The following IFT43 variants were observed in gnomAD, a reference collection of about 807,000 sequenced individuals.
IFT43 encodes intraflagellar transport protein 43 homolog.
IFT43 carries 33 observed loss-of-function variants against 32.3 expected under a neutral mutation model. The ratio of observed to expected loss-of-function variants is 1.02; its 90% CI spans 0.77 to 1.37. IFT43 has a LOEUF of 1.37. Among genes scored for constraint, IFT43 ranks in the 40% most tolerant of loss-of-function variants. The pLI is 0.00. For synonymous variants in IFT43, 93 were observed against 98.2 expected, an observed-to-expected ratio of 0.95 and a Z score of 0.31; for missense variants, 274 against 265.9, an observed-to-expected ratio of 1.03 and a Z score of -0.21.
chr14:76,066,918 T>C (rs775117989), intron 5 of IFT43, among the ~76,000 whole-genome samples: 1 of 152,166 alleles, frequency 6.6e-6, no homozygotes, highest in African/African-American at 2.4e-5. Flanking sequence ...GATTAGACTT[T>C]ATTGAGGAAA....
chr14:75,991,433 G>A (rs376294338), intron 2 of IFT43, among the ~76,000 whole-genome samples: 82 of 147,376 alleles, frequency 5.6e-4, no homozygotes, highest in Non-Finnish European at 2.7e-4. Flanking sequence ...GTGTATGTAT[G>A]TATATATATT....
At chr14:76,077,820 G>A (rs564549529) in intron 5 of IFT43, among the ~76,000 whole-genome samples, 24 of 152,172 alleles carry the variant, frequency 1.6e-4, no homozygotes, top group Non-Finnish European at 3.4e-4. Context: ...TCTCACCGCC[G>A]AGCACCTTTG....
intron 3 of IFT43, among the ~76,000 whole-genome samples, chr14:76,034,049 A>G (rs1270148463): frequency 2.6e-5 from 4 of 152,226 alleles, no homozygotes; most frequent in Non-Finnish European, 5.9e-5. Context: ...CAGTCTAGTT[A>G]CAGCAGAGAA....
intron 5 of IFT43, among the ~76,000 whole-genome samples, chr14:76,060,848 TC>T (rs1566730510): frequency 2.8e-5 from 4 of 142,054 alleles, no homozygotes; most frequent in Admixed American, 7.1e-5. Flanking sequence ...CTTCCTTCCT[TC>T]CTTCCTTCCT....
chr14:76,009,556 T>C (rs2036041140), intron 2 of IFT43, among the ~76,000 whole-genome samples: 1 of 152,222 alleles, frequency 6.6e-6, no homozygotes, highest in African/African-American at 2.4e-5. Flanking sequence ...TCATTTCAGC[T>C]TAAATGGATA....
intron 5 of IFT43, among the ~76,000 whole-genome samples, chr14:76,065,395 A>G (rs569702148): frequency 1.3e-5 from 2 of 152,348 alleles, no homozygotes; most frequent in East Asian, 3.9e-4. Flanking sequence ...TTATTAAAGT[A>G]TACAATTTAG....
chr14:76,081,664 G>T (rs1227884646), intron 5 of IFT43, among the ~76,000 whole-genome samples: 1 of 152,206 alleles, frequency 6.6e-6, no homozygotes, highest in Non-Finnish European at 1.5e-5. Flanking sequence ...TCTTGAGACA[G>T]CAAGAAAAGC....
intron 2 of IFT43, among the ~76,000 whole-genome samples, chr14:76,014,964 G>A (rs757043109): frequency 6.6e-6 from 1 of 152,106 alleles, no homozygotes; most frequent in Non-Finnish European, 1.5e-5. Flanking sequence ...ATCCAATTAC[G>A]TGGATTTCGT....
chr14:76,082,307 T>C lies in IFT43; in HGVS notation c.308T>C (p.Ile103Thr). Residue 103 changes from isoleucine to threonine, a missense_variant, in exon 6 of 9, where the codon ATT (isoleucine) becomes ACT (threonine). Coordinates refer to ENST00000314067, the MANE Select transcript of IFT43 (RefSeq NM_001102564.3). Reference protein sequence around the residue: ...GSDYGGDIPIIPDLEEVQEED... With the variant: ...GSDYGGDIPITPDLEEVQEED... ...CCTCTCCTTGCAGATATTCCTATCATTCCGGATCTGGAGGAAGTACAGGAA... is the reference window on the plus strand; with the variant it reads ...CCTCTCCTTGCAGATATTCCTATCACTCCGGATCTGGAGGAAGTACAGGAA... 1 of 1,614,078 alleles carries C rather than the reference T, an allele frequency of 6.2e-7. No individual in the cohort carries two copies. Among genetic ancestry groups the C allele is most frequent in the Non-Finnish European group, 8.5e-7 (1 of 1,179,918 alleles).
chr14:76,022,066 C>T (rs1202862293), intron 2 of IFT43, among the ~76,000 whole-genome samples: 1 of 152,154 alleles, frequency 6.6e-6, no homozygotes, highest in Non-Finnish European at 1.5e-5. Flanking sequence ...GCCTGGCCAA[C>T]ATGGTGAAAC....
At chr14:75,988,680 G>C (rs1486850736) in intron 1 of IFT43, among the ~76,000 whole-genome samples, 4 of 152,168 alleles carry the variant, frequency 2.6e-5, no homozygotes, top group African/African-American at 9.7e-5. Context: ...CACAACGCCA[G>C]GCTAATCTTT....
At chr14:76,002,370 G>A (rs975328645) in intron 2 of IFT43, among the ~76,000 whole-genome samples, 4 of 152,272 alleles carry the variant, frequency 2.6e-5, no homozygotes, top group Admixed American at 2.0e-4. Flanking sequence ...AAGGTAAGGG[G>A]GGGGGTGGCA....
chr14:76,011,043 T>C (rs1280946104), intron 2 of IFT43, among the ~76,000 whole-genome samples: 1 of 151,866 alleles, frequency 6.6e-6, no homozygotes, highest in Non-Finnish European at 1.5e-5. Context: ...GCTGGTATTA[T>C]AGCTGCACAC....
At chr14:76,027,136 G>C (rs2036412921) in intron 3 of IFT43, among the ~76,000 whole-genome samples, 1 of 152,020 alleles carries the variant, frequency 6.6e-6, no homozygotes, top group Non-Finnish European at 1.5e-5. Context: ...CTGGGTACTA[G>C]GCTTAATGTC....
intron 5 of IFT43, among the ~76,000 whole-genome samples, chr14:76,066,572 C>T (rs1380558938): frequency 2.6e-5 from 4 of 152,178 alleles, no homozygotes; most frequent in Non-Finnish European, 4.4e-5. Context: ...GAAGGCTGCT[C>T]CTTTGAACTT....
intron 1 of IFT43, 165 bp downstream of exon 1, chr14:75,986,005 G>A: frequency 6.5e-7 from 1 of 1,526,946 alleles, no homozygotes; most frequent in East Asian, 2.5e-5. Context: ...AGGCCACTGT[G>A]GGCTCCGCCG....
chr14:76,001,458 A>T (rs2035883990), intron 2 of IFT43, among the ~76,000 whole-genome samples: 1 of 152,184 alleles, frequency 6.6e-6, no homozygotes, highest in African/African-American at 2.4e-5. Context: ...GGGCCCATGC[A>T]GGCATGCGAT....
chr14:75,996,173 A>G (rs1487339189), intron 2 of IFT43, among the ~76,000 whole-genome samples: 3 of 152,216 alleles, frequency 2.0e-5, no homozygotes, highest in African/African-American at 7.2e-5. Context: ...AGTGAGAAAT[A>G]TGTGTCAAGA....
At chr14:76,083,362 C>T in intron 8 of IFT43, 73 bp downstream of exon 8, 1 of 1,611,708 alleles carries the variant, frequency 6.2e-7, no homozygotes, top group South Asian at 1.1e-5. Context: ...CCGGGCTGGC[C>T]TGTGCCTCCC....
Sources: gnomAD v4.1 joint callset for allele counts (sites outside exome capture counted in the v4.1 genomes callset) on GRCh38, gnomAD v4.1.1 for gene constraint, MANE v1.5 for transcripts, NCBI Gene and HGNC (gene_info 2026-07-23, HGNC 2026-07-21) for gene names.